The following LEPROT variants were observed in gnomAD, a reference collection of about 807,000 sequenced individuals.
The protein encoded by LEPROT is leptin receptor overlapping transcript.
Under a neutral mutation model 15.4 loss-of-function variants are expected in LEPROT, and 3 were observed. The observed-to-expected ratio is 0.19, with a 90% CI of 0.09 to 0.50. The LOEUF (loss-of-function observed/expected upper bound fraction) is 0.50, where lower values mean the gene tolerates loss of function less well. LEPROT is among the 20% of genes least tolerant of loss of function. The pLI is 0.97. For synonymous variants in LEPROT, 59 were observed against 57.5 expected (o/e 1.03, Z -0.12); for missense variants, 137 against 162.2 (o/e 0.84, Z 0.84).
intron 1 of LEPROT, chr1:65,421,510 T>C: frequency 6.5e-7 from 1 of 1,533,868 alleles, no homozygotes; most frequent in Non-Finnish European, 8.7e-7. Flanking sequence ...CATGACTTGT[T>C]TTTATATTGG....
In LEPROT at chr1:65,434,588, C is replaced by T; in HGVS notation, c.*2669C>T. 1 of 985,422 alleles carries T rather than the reference C, an allele frequency of 1.0e-6. No individual in the cohort carries two copies. Among genetic ancestry groups the T allele is most frequent in the Non-Finnish European group, 1.2e-6 (1 of 829,944 alleles). 61.0% of individuals were successfully genotyped at this position (985,422 alleles called of 1,614,324 possible). A position where few individuals can be genotyped will look rare whatever the true frequency, so the allele number is the denominator to read the frequency against. On this transcript the variant is annotated 3_prime_UTR_variant, in exon 4 of 4. Coordinates refer to ENST00000371065, the MANE Select transcript of LEPROT (RefSeq NM_017526.5). ...TAACCTGTGATACTGAAGGTGCCTG[C>T]CTGAGTTTTGGGTCTCTGAGACAGG...
chr1:65,425,820 T>C (rs1646351198), intron 2 of LEPROT, among the ~76,000 whole-genome samples: 1 of 152,116 alleles, frequency 6.6e-6, no homozygotes, highest in Non-Finnish European at 1.5e-5. Flanking sequence ...GAGCCAAGAC[T>C]AGGTGGATGA....
In LEPROT at chr1:65,429,916, T is replaced by C; in HGVS notation, c.147T>C (p.His49=). ...LIFHAISPIP[H]FIAKRVTYDS... is the part of the protein sequence containing the mutation. Reference sequence around the variant, plus strand: ...TCCACGCCATCTCCCCCATCCCCCATTTCATTGCCAAAAGAGTCACCTATG... The same window carrying C: ...TCCACGCCATCTCCCCCATCCCCCACTTCATTGCCAAAAGAGTCACCTATG... Residue 49 remains histidine, a synonymous_variant, in exon 3 of 4, where the codon CAT becomes CAC. Transcript: ENST00000371065. 2 of 1,547,406 alleles carry C rather than the reference T, an allele frequency of 1.3e-6. No individual in the cohort carries two copies. Among genetic ancestry groups the C allele is most frequent in the Non-Finnish European group, 1.8e-6 (2 of 1,132,968 alleles).
chr1:65,428,760 A>G (rs1481419476), intron 2 of LEPROT, among the ~76,000 whole-genome samples: 1 of 152,212 alleles, frequency 6.6e-6, no homozygotes, highest in Non-Finnish European at 1.5e-5. Context: ...AGCATAAGAA[A>G]TGTCTGATGG....
chr1:65,429,710 G>A, intron 2 of LEPROT, 152 bp from the exon 3 acceptor site: 1 of 634,004 alleles, frequency 1.6e-6, no homozygotes, highest in Non-Finnish European at 2.5e-6. Context: ...TCTATCCCTG[G>A]TAGAAATCAT....
Position 65,432,392 on chromosome 1 carries a change from C to G in LEPROT, c.*473C>G. The G allele has an allele frequency of 2.2e-6, 2 of 913,758 alleles. No homozygotes were observed. The highest frequency in any genetic ancestry group is 2.6e-6 in the Non-Finnish European group (2 of 764,316). The allele number at this position is 913,758 out of a possible 1,614,324, so 56.6% of individuals were successfully genotyped here. A position where few individuals can be genotyped will look rare whatever the true frequency, so the allele number is the denominator to read the frequency against. On this transcript the variant is annotated 3_prime_UTR_variant, in exon 4 of 4. Transcript: ENST00000371065. ...ATTTCCTAGAGCCTTATTAGAAATG[C>G]AGAATCTGAAGCCCCACTCTGGACC...
In LEPROT at chr1:65,435,410, C is replaced by T. The variant is rs1000401626; in HGVS notation, c.*3491C>T. On this transcript the variant is annotated 3_prime_UTR_variant, in exon 4 of 4. Coordinates refer to ENST00000371065, the MANE Select transcript of LEPROT (RefSeq NM_017526.5). ...TGAGGCAGAGTCTCGCTCTGTTGCC[C>T]AGGCTGGAGTGCAGTGGTGCGATCT... 1.4e-5 allele frequency: 11 copies of T among 788,460 alleles called. No individual in the cohort carries two copies. In the African/African-American group the frequency reaches 2.2e-4, roughly 16 times the overall value. 48.8% of individuals were successfully genotyped at this position (788,460 alleles called of 1,614,324 possible).
chr1:65,431,763 A>G (rs1646487543), intron 3 of LEPROT, 40 bp from the exon 4 acceptor site: 1 of 1,595,714 alleles, frequency 6.3e-7, no homozygotes, highest in Admixed American at 1.8e-5. Flanking sequence ...GTACAATATG[A>G]AGGAAGTAAG....
At chr1:65,423,024 C>T (rs539238612) in intron 1 of LEPROT, among the ~76,000 whole-genome samples, 1 of 152,304 alleles carries the variant, frequency 6.6e-6, no homozygotes, top group East Asian at 1.9e-4. Flanking sequence ...CCTTGACCTA[C>T]TGATTCATTG....
chr1:65,421,562 A>G (rs570425077), intron 1 of LEPROT: 742 of 1,313,294 alleles, frequency 5.6e-4, no homozygotes, highest in Non-Finnish European at 7.1e-4. Flanking sequence ...AGATATCCCC[A>G]GTTAACATCT....
intron 1 of LEPROT, among the ~76,000 whole-genome samples, chr1:65,421,809 A>G (rs1646257186): frequency 6.6e-6 from 1 of 152,206 alleles, no homozygotes; most frequent in Admixed American, 6.5e-5. Flanking sequence ...ATGATCAGAA[A>G]CTACCAAATC....
At chr1:65,431,762 G>A (rs1557585921) in intron 3 of LEPROT, 41 bp from the exon 4 acceptor site, 1 of 1,594,752 alleles carries the variant, frequency 6.3e-7, no homozygotes, top group Non-Finnish European at 8.5e-7. Context: ...AGTACAATAT[G>A]AAGGAAGTAA....
At chr1:65,428,246 T>C (rs535268346) in intron 2 of LEPROT, among the ~76,000 whole-genome samples, 1 of 152,346 alleles carries the variant, frequency 6.6e-6, no homozygotes, top group East Asian at 1.9e-4. Flanking sequence ...AATATTTCTC[T>C]TAGTTGGATA....
At chr1:65,424,932 A>C (rs891233872) in intron 1 of LEPROT, among the ~76,000 whole-genome samples, 7 of 152,228 alleles carry the variant, frequency 4.6e-5, no homozygotes, top group Admixed American at 4.6e-4. Flanking sequence ...GGAAGGTTTC[A>C]ACATGTGAAT....
intron 1 of LEPROT, among the ~76,000 whole-genome samples, chr1:65,421,116 A>T (rs531165513): frequency 6.6e-6 from 1 of 151,934 alleles, no homozygotes; most frequent in African/African-American, 2.4e-5. Flanking sequence ...GCAGTTTCCT[A>T]TTTGCCACAA....
In LEPROT at chr1:65,432,588, C is replaced by T. The variant is rs576288164; in HGVS notation, c.*669C>T. ...GTTTAAAAAAAAAAAAAAAGTCTCA[C>T]CTGCTTTCATGCTGAGGACAAGTTC... On this transcript the variant is annotated 3_prime_UTR_variant, in exon 4 of 4. Transcript: ENST00000371065. The T allele has an allele frequency of 5.1e-6, 5 of 978,586 alleles. No individual in the cohort carries two copies. In the South Asian group the frequency reaches 2.4e-4, roughly 46 times the overall value. 60.6% of individuals were successfully genotyped at this position (978,586 alleles called of 1,614,324 possible).
intron 3 of LEPROT, among the ~76,000 whole-genome samples, chr1:65,431,003 A>G (rs1468312675): frequency 1.3e-5 from 2 of 152,198 alleles, no homozygotes; most frequent in Non-Finnish European, 2.9e-5. Context: ...CCAGTGTGGT[A>G]GAGCTAAAAG....
intron 2 of LEPROT, among the ~76,000 whole-genome samples, chr1:65,426,508 G>A (rs530484004): frequency 6.6e-6 from 1 of 152,224 alleles, no homozygotes; most frequent in South Asian, 2.1e-4. Flanking sequence ...TGAGACTGCA[G>A]TCAGGGAGAA....
intron 2 of LEPROT, among the ~76,000 whole-genome samples, chr1:65,428,772 G>GA (rs1372955333): frequency 6.6e-6 from 1 of 151,822 alleles, no homozygotes; most frequent in African/African-American, 2.4e-5. Context: ...GTCTGATGGA[G>GA]AAAAAAAGAT....
Sources: gnomAD v4.1 joint callset for allele counts (sites outside exome capture counted in the v4.1 genomes callset) on GRCh38, gnomAD v4.1.1 for gene constraint, MANE v1.5 for transcripts, NCBI Gene and HGNC (gene_info 2026-07-23, HGNC 2026-07-21) for gene names.